ERICH6B: variants seen among roughly 807,000 people sequenced by gnomAD.
The protein encoded by ERICH6B is glutamate rich 6B.
In ERICH6B, 69 loss-of-function variants were observed where a neutral mutation model predicts 80.0. The ratio of observed to expected loss-of-function variants is 0.86; its 90% CI spans 0.71 to 1.05. ERICH6B has a LOEUF of 1.05. ERICH6B is among the 50% of genes least tolerant of loss of function. The pLI is 0.00. For missense variants in ERICH6B, 754 were observed against 796.1 expected (o/e 0.95, Z 0.64); for synonymous variants, 283 against 291.9 (o/e 0.97, Z 0.31).
intron 11 of ERICH6B, chr13:45,551,454 CTCCTT>C (rs1874219982): frequency 6.6e-6 from 1 of 152,146 alleles, no homozygotes; most frequent in Non-Finnish European, 1.5e-5. Context: ...CATCCTCCTC[CTCCTT>C]TATCAGAGAA....
At chr13:45,580,775 G>T in intron 5 of ERICH6B, 110 bp from the exon 6 acceptor site, 1 of 1,083,756 alleles carries the variant, frequency 9.2e-7, no homozygotes, top group Non-Finnish European at 1.3e-6. Flanking sequence ...CCCAAGGCTG[G>T]TCAACAGTTG....
rs1875949023 is a variant in ERICH6B at position 45,587,231 on chromosome 13, T to C, written c.688A>G (p.Ser230Gly). Residue 230 changes from serine to glycine, a missense_variant and splice_region_variant, in exon 5 of 15, where the codon AGT becomes GGT. By Grantham distance (56) the Ser-to-Gly change is moderately conservative. Coordinates refer to ENST00000298738, the MANE Select transcript of ERICH6B (RefSeq NM_182542.3). ...SQTMLLRDAR[S>G]PDAGPSQVTT... ...ACCTGAGAGGGGCCAGCGTCTGGAC[T>C]CCTGTCAGAGGGGAGAACAGGAAGG... The C allele has an allele frequency of 1.9e-6, 3 of 1,551,360 alleles. No homozygotes were observed. In the South Asian group the frequency reaches 3.6e-5, roughly 18 times the overall value.
chr13:45,606,441 G>C (rs1304970685), intron 2 of ERICH6B, among the ~76,000 whole-genome samples: 1 of 144,100 alleles, frequency 6.9e-6, no homozygotes, highest in Non-Finnish European at 1.5e-5. Context: ...CTCGCGGGGT[G>C]GTGGGCAGCT....
At chr13:45,599,007 T>A (rs1593326047) in intron 2 of ERICH6B, among the ~76,000 whole-genome samples, 1 of 152,362 alleles carries the variant, frequency 6.6e-6, no homozygotes, top group East Asian at 1.9e-4. Context: ...CATCTCCATC[T>A]GGCCCAAGCC....
chr13:45,545,301 G>T (rs57100027), intron 13 of ERICH6B, among the ~76,000 whole-genome samples: 1,924 of 152,284 alleles, frequency 0.013, 40 homozygotes, highest in African/African-American at 0.044. Context: ...CATGGCTGGT[G>T]TCTACTTATC....
chr13:45,573,494 G>A (rs1875260136), intron 8 of ERICH6B, among the ~76,000 whole-genome samples: 1 of 152,132 alleles, frequency 6.6e-6, no homozygotes. Flanking sequence ...ATTTTAAAAT[G>A]GTGTGCAGCT....
At chr13:45,612,849 T>G (rs1949907565) in intron 1 of ERICH6B, among the ~76,000 whole-genome samples, 1 of 152,098 alleles carries the variant, frequency 6.6e-6, no homozygotes, top group African/African-American at 2.4e-5. Flanking sequence ...ATTGCCCCAC[T>G]TAGTCATTGG....
intron 11 of ERICH6B, among the ~76,000 whole-genome samples, chr13:45,560,550 G>A (rs1874628840): frequency 6.6e-6 from 1 of 152,168 alleles, no homozygotes; most frequent in Admixed American, 6.5e-5. Flanking sequence ...ACAATGACAT[G>A]TATCCAACAT....
At position 45,596,693 on chromosome 13, in the gene ERICH6B, C is replaced by A. The variant is rs773270730; in HGVS notation, c.313G>T (p.Glu105Ter). 23 of 1,551,958 alleles carry A rather than the reference C, an allele frequency of 1.5e-5. No individual in the cohort carries two copies. Among genetic ancestry groups the A allele is most frequent in the Non-Finnish European group, 2.6e-6 (3 of 1,147,066 alleles). ...EEYLEKAGYL[E>*]EEEYIEEEEY... ...TCCTCTTCAATATACTCTTCCTCCT[C>A]CAGATACCCTGCCTTCTCCAGATAC... Residue 105 changes from glutamate (E) to a stop codon, truncating the protein, a stop_gained, in exon 3 of 15, where the codon GAG becomes TAG. Coordinates refer to ENST00000298738, the MANE Select transcript of ERICH6B (RefSeq NM_182542.3). LOFTEE classifies it high-confidence loss of function.
At chr13:45,551,839 TG>T (rs1489874202) in intron 11 of ERICH6B, among the ~76,000 whole-genome samples, 1 of 152,150 alleles carries the variant, frequency 6.6e-6, no homozygotes, top group Non-Finnish European at 1.5e-5. Flanking sequence ...TTTTCCACCA[TG>T]GGATGATGAA....
At chr13:45,585,878 TCTC>T (rs1184007306) in intron 5 of ERICH6B, among the ~76,000 whole-genome samples, 14 of 152,250 alleles carry the variant, frequency 9.2e-5, no homozygotes, top group Non-Finnish European at 1.5e-4. Context: ...ATGGGGCCCC[TCTC>T]GGGGCTGGGT....
chr13:45,595,663 T>C (rs1876333745), intron 3 of ERICH6B, among the ~76,000 whole-genome samples: 1 of 151,404 alleles, frequency 6.6e-6, no homozygotes, highest in South Asian at 2.1e-4. Context: ...TCTTTCTTTC[T>C]TTCCTTCTTC....
intron 2 of ERICH6B, among the ~76,000 whole-genome samples, chr13:45,604,320 T>C (rs1424307546): frequency 6.6e-6 from 1 of 152,240 alleles, no homozygotes; most frequent in Admixed American, 6.5e-5. Context: ...CAGCTTAGTC[T>C]TATCTGTATC....
intron 3 of ERICH6B, among the ~76,000 whole-genome samples, chr13:45,591,403 T>C (rs1876150692): frequency 6.6e-6 from 1 of 152,176 alleles, no homozygotes; most frequent in South Asian, 2.1e-4. Flanking sequence ...GAGACCATCC[T>C]GGCTAATGTG....
At position 45,596,900 on chromosome 13, in the gene ERICH6B, C is replaced by T. The variant is rs1302006059; in HGVS notation, c.106G>A (p.Val36Ile). ...NLPSEKEDTE[V>I]ELDEESLQDE... Reference sequence around the variant, plus strand: ...TGTAGACTTTCCTCATCTAGTTCTACTTCAGTATCCTCTTTCTCTGAAGGC... The same window carrying T: ...TGTAGACTTTCCTCATCTAGTTCTATTTCAGTATCCTCTTTCTCTGAAGGC... The change falls in exon 3 of 15, where the codon GTA (valine) becomes ATA (isoleucine). Residue 36 changes from valine (V) to isoleucine (I), a missense_variant. Transcript: ENST00000298738. The T allele has an allele frequency of 6.4e-7, 1 of 1,551,848 alleles. No homozygotes were observed. The highest frequency in any genetic ancestry group is 8.7e-7 in the Non-Finnish European group (1 of 1,147,032).
chr13:45,606,752 C>T (rs1389767542), intron 2 of ERICH6B, among the ~76,000 whole-genome samples: 6 of 151,268 alleles, frequency 4.0e-5, no homozygotes, highest in African/African-American at 1.5e-4. Flanking sequence ...CGGGGTTTCA[C>T]CATATTGGCC....
At chr13:45,586,977 C>T in intron 5 of ERICH6B, 86 bp downstream of exon 5, 1 of 1,379,844 alleles carries the variant, frequency 7.2e-7, no homozygotes. Flanking sequence ...ATACTCGAGC[C>T]ACAATATTTC....
Position 45,602,708 on chromosome 13 carries a change from C to G in ERICH6B, c.-59+4856G>C, listed in dbSNP as rs200794591. ...AGACCTCTCAGCCCTTGGACTAAGA[C>G]TCTTCTCTTTCATTCTCACCCAACC... On this transcript the variant is annotated intron_variant, in intron 2 of 14. Transcript: ENST00000298738. Among the ~76,000 whole-genome samples, 10 of 152,326 alleles carry G rather than the reference C, an allele frequency of 6.6e-5. No individual in the cohort carries two copies. The East Asian group carries it at 1.9e-3, about 29-fold the overall frequency.
chr13:45,604,396 T>C (rs1426577473), intron 2 of ERICH6B, among the ~76,000 whole-genome samples: 3 of 152,188 alleles, frequency 2.0e-5, no homozygotes, highest in Non-Finnish European at 4.4e-5. Context: ...CAGAAGCCCC[T>C]CATGCTGCCC....
Sources: allele counts gnomAD v4.1 joint callset (sites outside exome capture counted in the v4.1 genomes callset), GRCh38; gene constraint gnomAD v4.1.1; transcripts MANE v1.5; gene names NCBI Gene and HGNC (gene_info 2026-07-23, HGNC 2026-07-21).